The following SUCO variants were observed in gnomAD, a reference collection of about 807,000 sequenced individuals.
The protein encoded by SUCO is SUN domain containing ossification factor, also known as SUN domain-containing ossification factor.
In SUCO, 57 loss-of-function variants were observed where a neutral mutation model predicts 148.1. The ratio of observed to expected loss-of-function variants is 0.38; its 90% CI spans 0.31 to 0.48. The LOEUF is 0.48. Among genes scored for constraint, SUCO ranks in the 20% least tolerant of loss-of-function variants. The pLI is 0.96. For missense variants in SUCO, 1,331 were observed against 1,468.2 expected (o/e 0.91, Z 1.53); for synonymous variants, 470 against 502.7 (o/e 0.93, Z 0.87).
intron 9 of SUCO, among the ~76,000 whole-genome samples, chr1:172,571,583 T>C (rs1309681626): frequency 1.4e-5 from 2 of 144,078 alleles, no homozygotes; most frequent in South Asian, 2.4e-4. Flanking sequence ...GGAGCGTCTC[T>C]GCCCGGCCGC....
intron 19 of SUCO, among the ~76,000 whole-genome samples, chr1:172,594,084 T>A (rs1359302279): frequency 2.6e-5 from 4 of 152,244 alleles, no homozygotes; most frequent in African/African-American, 9.6e-5. Context: ...TAGTATTCTC[T>A]GATGGTAGTT....
chr1:172,589,641 A>G lies in SUCO; in HGVS notation c.2540A>G (p.Asp847Gly), dbSNP rs560194256. 3.7e-6 allele frequency: 6 copies of G among 1,613,968 alleles called. No homozygotes were observed. In the South Asian group the frequency reaches 6.6e-5, roughly 18 times the overall value. ...GGGGAAGCCAAAATGAATATAGCTG[A>G]CACAGCAAAGCAAACTTTGATTTCT... Reference protein sequence around the residue: ...EDGEAKMNIADTAKQTLISVV... With the variant: ...EDGEAKMNIAGTAKQTLISVV... Residue 847 changes from aspartate (D) to glycine (G), a missense_variant, in exon 18 of 24, where the codon GAC (aspartate) becomes GGC (glycine). This residue lies in a region of SUCO where 992 missense variants were observed against 1,093.5 expected (regional missense o/e 0.91). Transcript: ENST00000263688.
chr1:172,573,790 A>G (rs1655220955), intron 9 of SUCO, 101 bp from the exon 10 acceptor site: 1 of 650,308 alleles, frequency 1.5e-6, no homozygotes, highest in African/African-American at 1.9e-5. Context: ...TTAATGAGTA[A>G]CTCTTAATGG....
At chr1:172,561,655 G>C (rs1176292081) in intron 6 of SUCO, among the ~76,000 whole-genome samples, 1 of 152,104 alleles carries the variant, frequency 6.6e-6, no homozygotes, top group Non-Finnish European at 1.5e-5. Flanking sequence ...TCGAAAAGAA[G>C]TATTACACTA....
rs753242863 is a variant in SUCO, at chr1:172,575,500, ATTGC to A, written c.1158-15_1158-12del. ...GTTTATAATTTTTAAAAAAGAACAT[ATTGC>A]TTATATTTTTTAGATATCCAACAAA... On this transcript the variant is annotated splice_polypyrimidine_tract_variant and intron_variant, in intron 10 of 23. Transcript: ENST00000263688. 6.5e-7 allele frequency: 1 copy of A among 1,528,762 alleles called. No individual in the cohort carries two copies. Among genetic ancestry groups the A allele is most frequent in the South Asian group, 1.1e-5 (1 of 87,778 alleles). 94.7% of individuals were successfully genotyped at this position (1,528,762 alleles called of 1,614,324 possible). A position where few individuals can be genotyped will look rare whatever the true frequency, so the allele number is the denominator to read the frequency against.
intron 15 of SUCO, among the ~76,000 whole-genome samples, chr1:172,584,781 C>G (rs1400174042): frequency 1.3e-5 from 2 of 151,932 alleles, no homozygotes; most frequent in Non-Finnish European, 2.9e-5. Flanking sequence ...GTCTCCAAAA[C>G]GAAAAGTATA....
intron 1 of SUCO, among the ~76,000 whole-genome samples, chr1:172,538,916 C>T (rs1652228128): frequency 6.6e-6 from 1 of 152,170 alleles, no homozygotes; most frequent in Non-Finnish European, 1.5e-5. Context: ...TTGCATAACA[C>T]TTGAACACTG....
At chr1:172,541,202 C>T (rs1390288613) in intron 1 of SUCO, among the ~76,000 whole-genome samples, 1 of 152,064 alleles carries the variant, frequency 6.6e-6, no homozygotes, top group African/African-American at 2.4e-5. Context: ...TAAATCACCT[C>T]TAGATATTAT....
rs1452527538 is a variant in SUCO at position 172,610,215 on chromosome 1, A to G, written c.3721A>G (p.Thr1241Ala). The change falls in exon 24 of 24, where the codon ACC becomes GCC. Residue 1241 changes from threonine (T) to alanine (A), a missense_variant. Coordinates refer to ENST00000263688, the MANE Select transcript of SUCO (RefSeq NM_014283.5). Reference sequence around the variant, plus strand: ...CATAATCAAAGGAAACAAAGAGATCACCGTGGGAACATTTGGTGTTACAGC... The same window carrying G: ...CATAATCAAAGGAAACAAAGAGATCGCCGTGGGAACATTTGGTGTTACAGC... ...HDIIKGNKEI[T>A]VGTFGVTAVS... 6.2e-7 allele frequency: 1 copy of G among 1,608,708 alleles called. No individual in the cohort carries two copies. The highest frequency in any genetic ancestry group is 8.5e-7 in the Non-Finnish European group (1 of 1,178,282).
intron 15 of SUCO, among the ~76,000 whole-genome samples, chr1:172,581,127 A>G (rs973105282): frequency 1.6e-4 from 24 of 152,100 alleles, no homozygotes; most frequent in African/African-American, 5.3e-4. Flanking sequence ...AAACAAAACA[A>G]AAACCTAATC....
chr1:172,609,786 T>C (rs374245496), intron 23 of SUCO, 30 bp from the exon 24 acceptor site: 88 of 1,568,624 alleles, frequency 5.6e-5, no homozygotes, highest in Non-Finnish European at 5.9e-5. Flanking sequence ...GGAAGTATCA[T>C]TACTAACTTT....
At position 172,551,547 on chromosome 1, in the gene SUCO, C is replaced by G; in HGVS notation, c.98C>G (p.Ser33Cys). 2.5e-6 allele frequency: 4 copies of G among 1,610,662 alleles called. No homozygotes were observed. Among genetic ancestry groups the G allele is most frequent in the Non-Finnish European group, 3.4e-6 (4 of 1,178,248 alleles). Reference protein sequence around the residue: ...PSWRVCCKESSSASASSYYSQ... With the variant: ...PSWRVCCKESCSASASSYYSQ... ...TGGCGTGTATGTTGTAAAGAGAGTT[C>G]TTCAGCTTCAGCGTCATCATATTAC... The change falls in exon 2 of 24, where the codon TCT becomes TGT. Residue 33 changes from serine to cysteine, a missense_variant. Transcript: ENST00000263688.
At position 172,551,773 on chromosome 1, in the gene SUCO, C is replaced by A. The variant is rs867334442; in HGVS notation, c.177+147C>A. 1.6e-4 allele frequency: 92 copies of A among 578,052 alleles called. 2 individuals are homozygous for A. Among genetic ancestry groups the A allele is most frequent in the African/African-American group, 1.5e-3 (79 of 52,502 alleles). 35.8% of individuals were successfully genotyped at this position (578,052 alleles called of 1,614,324 possible). A position where few individuals can be genotyped will look rare whatever the true frequency, so the allele number is the denominator to read the frequency against. On this transcript the variant is annotated intron_variant, in intron 2 of 23. Transcript: ENST00000263688. ...TTTCTTTGCTATTACTCAGGTAATT[C>A]TTAAATTATGACGGCTCAGAGATAT...
At chr1:172,539,749 CTTTGGTAA>C (rs1169889603) in intron 1 of SUCO, among the ~76,000 whole-genome samples, 3 of 152,142 alleles carry the variant, frequency 2.0e-5, no homozygotes, top group Admixed American at 2.0e-4. Flanking sequence ...ACTCTAGCTA[CTTTGGTAA>C]TTTGTTGAGT....
chr1:172,552,351 C>T (rs1653365287), intron 2 of SUCO, among the ~76,000 whole-genome samples: 1 of 151,822 alleles, frequency 6.6e-6, no homozygotes, highest in African/African-American at 2.4e-5. Flanking sequence ...TACAAATTGC[C>T]ATCCCCCTTC....
At chr1:172,546,117 G>T (rs1652838657) in intron 1 of SUCO, among the ~76,000 whole-genome samples, 1 of 152,034 alleles carries the variant, frequency 6.6e-6, no homozygotes, top group Non-Finnish European at 1.5e-5. Flanking sequence ...TGTATGTTTT[G>T]TAGAGACGGA....
intron 9 of SUCO, among the ~76,000 whole-genome samples, chr1:172,572,157 TGAG>T (rs1481428998): frequency 2.2e-5 from 3 of 138,688 alleles, no homozygotes; most frequent in Non-Finnish European, 3.2e-5. Context: ...TACTGGGAAG[TGAG>T]GAGCCCCTCT....
At chr1:172,579,151 A>T in intron 14 of SUCO, 51 bp from the exon 15 acceptor site, 1 of 997,892 alleles carries the variant, frequency 1.0e-6, no homozygotes, top group Non-Finnish European at 1.6e-6. Context: ...TAAATATGTT[A>T]CCATTGGAGC....
chr1:172,532,910 C>A, upstream of SUCO: 1 of 1,404,716 alleles, frequency 7.1e-7, no homozygotes, highest in Non-Finnish European at 9.4e-7. Context: ...AGAGCATCTG[C>A]TCCTGCGCTT....
Sources: gnomAD v4.1 joint callset for allele counts (sites outside exome capture counted in the v4.1 genomes callset) on GRCh38, gnomAD v4.1.1 for gene constraint, gnomAD v4.1.1 regional missense constraint, MANE v1.5 for transcripts, NCBI Gene and HGNC (gene_info 2026-07-23, HGNC 2026-07-21) for gene names.